CTNNA3: variants seen among roughly 807,000 people sequenced by gnomAD.
CTNNA3 encodes catenin alpha 3, also known as catenin alpha-3.
A neutral mutation model predicts 95.7 loss-of-function variants in CTNNA3; 76 were observed. The observed-to-expected ratio is 0.79, with a 90% CI of 0.66 to 0.96. CTNNA3 has a LOEUF of 0.96. Ranked by LOEUF, CTNNA3 falls within the 40% of genes least tolerant of loss-of-function variation. The pLI is 0.00. For synonymous variants in CTNNA3, 431 were observed against 374.4 expected, an observed-to-expected ratio of 1.15 and a Z score of -1.74; for missense variants, 1,191 against 1,089.8, an observed-to-expected ratio of 1.09 and a Z score of -1.31.
intron 15 of CTNNA3, among the ~76,000 whole-genome samples, chr10:66,038,720 G>A (rs887821540): frequency 6.6e-6 from 1 of 152,066 alleles, no homozygotes; most frequent in African/African-American, 2.4e-5. Context: ...AGGCATGAAA[G>A]GATGAGAAGT....
At chr10:66,647,176 C>T (rs887577508) in intron 9 of CTNNA3, among the ~76,000 whole-genome samples, 1 of 152,132 alleles carries the variant, frequency 6.6e-6, no homozygotes, top group African/African-American at 2.4e-5. Flanking sequence ...ATTGTAAAAC[C>T]AAAAATTAAC....
chr10:65,974,898 T>C (rs2078182355), intron 16 of CTNNA3, among the ~76,000 whole-genome samples: 1 of 152,174 alleles, frequency 6.6e-6, no homozygotes, highest in African/African-American at 2.4e-5. Flanking sequence ...TCTATAACTA[T>C]AAAATGTTAT....
intron 9 of CTNNA3, among the ~76,000 whole-genome samples, chr10:66,754,223 C>T (rs2132739625): frequency 6.6e-6 from 1 of 152,018 alleles, no homozygotes; most frequent in East Asian, 1.9e-4. Flanking sequence ...GAAATAAACC[C>T]TCACATTTAT....
intron 17 of CTNNA3, among the ~76,000 whole-genome samples, chr10:65,935,191 G>T (rs10996781): frequency 6.6e-6 from 1 of 152,064 alleles, no homozygotes; most frequent in East Asian, 1.9e-4. Context: ...ATATTTCAAC[G>T]TATCTTCAAT....
chr10:66,792,078 A>G (rs983721868), intron 7 of CTNNA3, among the ~76,000 whole-genome samples: 5 of 152,208 alleles, frequency 3.3e-5, no homozygotes, highest in Admixed American at 6.5e-5. Context: ...CATCATTTGC[A>G]TGAATAGCTT....
chr10:67,268,353 TTAAA>T (rs933895123), intron 5 of CTNNA3, among the ~76,000 whole-genome samples: 4 of 148,704 alleles, frequency 2.7e-5, no homozygotes, highest in Admixed American at 6.8e-5. Flanking sequence ...TTAAATTAAA[TTAAA>T]TAAATAAATA....
intron 9 of CTNNA3, among the ~76,000 whole-genome samples, chr10:66,761,522 G>A (rs1211235524): frequency 6.6e-6 from 1 of 152,044 alleles, no homozygotes; most frequent in Non-Finnish European, 1.5e-5. Flanking sequence ...TGTTTTCGTT[G>A]GTAGTGATTG....
chr10:66,234,883 C>T (rs910472913), intron 13 of CTNNA3, among the ~76,000 whole-genome samples: 1 of 152,188 alleles, frequency 6.6e-6, no homozygotes, highest in Non-Finnish European at 1.5e-5. Context: ...TTCACAGGCT[C>T]TTTCTCACTT....
intron 7 of CTNNA3, among the ~76,000 whole-genome samples, chr10:66,916,805 T>C (rs1364000679): frequency 1.3e-5 from 2 of 152,188 alleles, no homozygotes; most frequent in Non-Finnish European, 2.9e-5. Flanking sequence ...TTGGTTGGTA[T>C]GGAAAAACTC....
intron 9 of CTNNA3, among the ~76,000 whole-genome samples, chr10:66,692,527 G>C (rs900872679): frequency 3.9e-5 from 6 of 152,098 alleles, no homozygotes; most frequent in African/African-American, 1.4e-4. Flanking sequence ...AACCAAGTTG[G>C]AAAACACTCT....
Position 66,067,693 on chromosome 10 carries a change from G to T in CTNNA3, c.2159+1615C>A, listed in dbSNP as rs540680805. 1.9e-3 allele frequency among the ~76,000 whole-genome samples: 283 copies of T among 152,134 alleles called. 3 individuals are homozygous for T. The highest frequency in any genetic ancestry group is 1.7e-3 in the Non-Finnish European group (113 of 67,996). Reference sequence around the variant, plus strand: ...AGCACTTTGGGAGGCTGAGGCGGGCGGATCACGAGGTCAGGAGTTTGAGAC... The same window carrying T: ...AGCACTTTGGGAGGCTGAGGCGGGCTGATCACGAGGTCAGGAGTTTGAGAC... On this transcript the variant is annotated intron_variant, in intron 15 of 17. Coordinates refer to ENST00000433211, the MANE Select transcript of CTNNA3 (RefSeq NM_013266.4).
chr10:66,115,434 G>T (rs1047858894), intron 13 of CTNNA3, among the ~76,000 whole-genome samples: 3 of 152,008 alleles, frequency 2.0e-5, no homozygotes, highest in South Asian at 2.1e-4. Flanking sequence ...TTGGAAAGTG[G>T]TTTTACAAAA....
rs555626229 is a variant in CTNNA3 at position 66,164,029 on chromosome 10, T to C, written c.1885-60780A>G. ...ATGGGAGAAAGCATAAAAATTATTT[T>C]CCTTAAGAGGGTTCATACTCTAGTG... On this transcript the variant is annotated intron_variant, in intron 13 of 17. Coordinates refer to ENST00000433211, the MANE Select transcript of CTNNA3 (RefSeq NM_013266.4). Among the ~76,000 whole-genome samples the C allele has an allele frequency of 2.6e-5, 4 of 152,288 alleles. No homozygotes were observed. In the East Asian group the frequency reaches 7.7e-4, roughly 29 times the overall value.
intron 5 of CTNNA3, among the ~76,000 whole-genome samples, chr10:67,222,588 T>C (rs569437910): frequency 2.6e-4 from 39 of 152,256 alleles, no homozygotes; most frequent in Non-Finnish European, 4.8e-4. Flanking sequence ...TTAGTGATTT[T>C]TGTATTTCCC....
chr10:67,219,479 G>C (rs1645691271), intron 6 of CTNNA3, 128 bp downstream of exon 6: 1 of 1,015,846 alleles, frequency 9.8e-7, no homozygotes, highest in Admixed American at 2.6e-5. Context: ...TCAAGAAGGT[G>C]ATAGAGACTA....
At chr10:66,409,715 C>T (rs1030030760) in intron 11 of CTNNA3, among the ~76,000 whole-genome samples, 4 of 152,120 alleles carry the variant, frequency 2.6e-5, no homozygotes, top group Non-Finnish European at 5.9e-5. Flanking sequence ...ATGTATTAAA[C>T]ACAAAACAAG....
In CTNNA3 at chr10:67,733,826, G is replaced by A. The variant is rs553698977; in HGVS notation, c.-2+29608C>T. 1.3e-4 allele frequency among the ~76,000 whole-genome samples: 20 copies of A among 152,258 alleles called. 1 individual carries two copies. In the South Asian group the frequency reaches 4.1e-3, roughly 32 times the overall value. On this transcript the variant is annotated intron_variant, in intron 1 of 17. Coordinates refer to the CTNNA3 transcript ENST00000684154. Reference sequence around the variant, plus strand: ...GTATATTCTGGGCAGCTACCTGGCAGTCAGACCCTAAATTTGGCTGTGGCT... The same window carrying A: ...GTATATTCTGGGCAGCTACCTGGCAATCAGACCCTAAATTTGGCTGTGGCT...
intron 9 of CTNNA3, among the ~76,000 whole-genome samples, chr10:66,684,151 A>G (rs1847166038): frequency 6.6e-6 from 1 of 152,112 alleles, no homozygotes; most frequent in Admixed American, 6.6e-5. Context: ...GGGGAGGGGA[A>G]GGAGGATAAA....
At chr10:67,211,878 T>C (rs1406860067) in intron 6 of CTNNA3, among the ~76,000 whole-genome samples, 1 of 152,074 alleles carries the variant, frequency 6.6e-6, no homozygotes, top group Non-Finnish European at 1.5e-5. Flanking sequence ...TGCTCCTCTA[T>C]AAAGTACACA....
Sources: gnomAD v4.1 joint callset for allele counts (sites outside exome capture counted in the v4.1 genomes callset) on GRCh38, gnomAD v4.1.1 for gene constraint, MANE v1.5 for transcripts, NCBI Gene and HGNC (gene_info 2026-07-23, HGNC 2026-07-21) for gene names.